The following HORMAD2 variants were observed in gnomAD, a reference collection of about 807,000 sequenced individuals.
HORMAD2 encodes HORMA domain containing 2, also known as HORMA domain-containing protein 2.
In HORMAD2, 45 loss-of-function variants were observed where a neutral mutation model predicts 38.8. The ratio of observed to expected loss-of-function variants is 1.16; its 90% CI spans 0.91 to 1.49. HORMAD2 has a LOEUF of 1.49. HORMAD2 is among the 40% of genes most tolerant of loss of function. HORMAD2 has a pLI of 0.00. For synonymous variants in HORMAD2, 126 were observed against 122.8 expected (o/e 1.03, Z -0.17); for missense variants, 338 against 367.0 (o/e 0.92, Z 0.65).
intron 10 of HORMAD2, among the ~76,000 whole-genome samples, chr22:30,155,446 T>G (rs1925010919): frequency 6.6e-6 from 1 of 152,190 alleles, no homozygotes; most frequent in Non-Finnish European, 1.5e-5. Flanking sequence ...CCTCTTCAAG[T>G]TGGCTCTTGT....
chr22:30,181,425 C>T (rs1204066638), downstream of HORMAD2, among the ~76,000 whole-genome samples: 1 of 152,082 alleles, frequency 6.6e-6, no homozygotes, highest in African/African-American at 2.4e-5. Context: ...TCAGAACCCT[C>T]CCCACTCCTT....
chr22:30,202,671 A>T, the HORMAD2 span, among the ~76,000 whole-genome samples: 10 of 152,194 alleles, frequency 6.6e-5, no homozygotes, highest in Non-Finnish European at 1.5e-5. Flanking sequence ...CTCGGGCCAG[A>T]GCCACCTCGC....
the HORMAD2 span, among the ~76,000 whole-genome samples, chr22:30,195,364 C>T: frequency 6.6e-6 from 1 of 152,290 alleles, no homozygotes; most frequent in East Asian, 1.9e-4. Flanking sequence ...ATCCCAGTCT[C>T]ATTCAGGCTT....
At chr22:30,197,019 G>T in the HORMAD2 span, among the ~76,000 whole-genome samples, 1 of 152,104 alleles carries the variant, frequency 6.6e-6, no homozygotes. Context: ...CTAGCTTCTG[G>T]TCTAGCTCCT....
chr22:30,182,006 T>G (rs1926740829), downstream of HORMAD2, among the ~76,000 whole-genome samples: 1 of 152,242 alleles, frequency 6.6e-6, no homozygotes, highest in Non-Finnish European at 1.5e-5. Flanking sequence ...TATAAATAGT[T>G]GAATTTCAAT....
intron 1 of HORMAD2, among the ~76,000 whole-genome samples, chr22:30,087,817 A>C (rs1042869457): frequency 1.3e-5 from 2 of 152,126 alleles, no homozygotes; most frequent in Non-Finnish European, 2.9e-5. Flanking sequence ...GTATAGTGCT[A>C]AACCATTCAT....
At chr22:30,085,489 C>G (rs774242105) in intron 1 of HORMAD2, among the ~76,000 whole-genome samples, 3 of 152,194 alleles carry the variant, frequency 2.0e-5, no homozygotes, top group Non-Finnish European at 4.4e-5. Flanking sequence ...TGCAGTGGCT[C>G]ATGCCTGTAA....
At chr22:30,173,315 A>G (rs1926234237) in intron 10 of HORMAD2, among the ~76,000 whole-genome samples, 1 of 152,208 alleles carries the variant, frequency 6.6e-6, no homozygotes, top group Non-Finnish European at 1.5e-5. Flanking sequence ...AGAGTGGACA[A>G]TGGATTGGAG....
chr22:30,186,350 C>T, the HORMAD2 span, among the ~76,000 whole-genome samples: 1 of 146,302 alleles, frequency 6.8e-6, no homozygotes, highest in African/African-American at 2.6e-5. Context: ...TCCCTCCCTC[C>T]TTCTGTCCTT....
At chr22:30,147,227 AAAGAAC>A (rs1924472091) in intron 10 of HORMAD2, among the ~76,000 whole-genome samples, 1 of 152,236 alleles carries the variant, frequency 6.6e-6, no homozygotes, top group South Asian at 2.1e-4. Flanking sequence ...AATTTTTGAA[AAAGAAC>A]AAGGAGAACT....
chr22:30,127,420 G>A (rs541053088), intron 10 of HORMAD2, among the ~76,000 whole-genome samples: 1 of 152,142 alleles, frequency 6.6e-6, no homozygotes, highest in South Asian at 2.1e-4. Flanking sequence ...TGTTGGTCAG[G>A]CTGGTCTCGA....
At chr22:30,080,350 C>G (rs183816866), upstream of HORMAD2, 79 of 152,360 alleles carry the variant, frequency 5.2e-4, no homozygotes, top group African/African-American at 1.9e-3. Flanking sequence ...CCAGGCTAGC[C>G]GTGGACGGGT....
At chr22:30,111,183 A>AAAGAAAGG (rs1168380526) in intron 5 of HORMAD2, among the ~76,000 whole-genome samples, 4 of 150,592 alleles carry the variant, frequency 2.7e-5, no homozygotes, top group Non-Finnish European at 5.9e-5. Context: ...AGAAAGAAAG[A>AAAGAAAGG]AAGAAAAAGA....
At chr22:30,137,316 G>A (rs1021976272) in intron 10 of HORMAD2, 12 of 515,148 alleles carry the variant, frequency 2.3e-5, no homozygotes, top group Non-Finnish European at 3.7e-5. Flanking sequence ...GAGTCCTGGC[G>A]ATGAGTGTCT....
intron 10 of HORMAD2, among the ~76,000 whole-genome samples, chr22:30,127,384 T>A (rs1246354383): frequency 3.3e-5 from 5 of 152,016 alleles, no homozygotes; most frequent in Non-Finnish European, 7.4e-5. Flanking sequence ...AGTTTTTGTA[T>A]TTTTAGTAGA....
At chr22:30,177,299 A>G (rs1363139760), downstream of HORMAD2, among the ~76,000 whole-genome samples, 1 of 152,180 alleles carries the variant, frequency 6.6e-6, no homozygotes, top group Non-Finnish European at 1.5e-5. Flanking sequence ...TGGAGAACCA[A>G]TGACCTCTGA....
At chr22:30,136,344 C>A (rs1923651644) in intron 10 of HORMAD2, among the ~76,000 whole-genome samples, 1 of 152,058 alleles carries the variant, frequency 6.6e-6, no homozygotes, top group Non-Finnish European at 1.5e-5. Flanking sequence ...TTAAAATGTA[C>A]AACTTAATGG....
chr22:30,142,383 T>C lies in HORMAD2; in HGVS notation c.819+20169T>C, dbSNP rs117461331. On this transcript the variant is annotated intron_variant, in intron 10 of 10. Coordinates refer to ENST00000336726, the MANE Select transcript of HORMAD2 (RefSeq NM_152510.4). The stretch of plus-strand genomic sequence containing the variant: ...GTTACTGGGTATAGTGTTCTATATA[T>C]ATATATCTGTTAGGTCTAGTTAGTT... 1.8e-3 allele frequency among the ~76,000 whole-genome samples: 275 copies of C among 152,336 alleles called. 1 individual carries two copies. The highest frequency in any genetic ancestry group is 6.8e-3 in the Middle Eastern group (2 of 294).
At chr22:30,114,523 A>G (rs897577760) in intron 7 of HORMAD2, among the ~76,000 whole-genome samples, 14 of 152,238 alleles carry the variant, frequency 9.2e-5, no homozygotes, top group Non-Finnish European at 1.3e-4. Flanking sequence ...CTCAAAAACA[A>G]CATTCTAACA....
Sources: allele counts gnomAD v4.1 joint callset (sites outside exome capture counted in the v4.1 genomes callset), GRCh38; gene constraint gnomAD v4.1.1; transcripts MANE v1.5; gene names NCBI Gene and HGNC (gene_info 2026-07-23, HGNC 2026-07-21).